CNBD1: variants seen among roughly 807,000 people sequenced by gnomAD.
CNBD1 encodes the protein cyclic nucleotide binding domain containing 1.
CNBD1 carries 71 observed loss-of-function variants against 54.4 expected under a neutral mutation model. The ratio of observed to expected loss-of-function variants is 1.30; its 90% CI spans 1.08 to 1.59. The LOEUF is 1.59. Among genes scored for constraint, CNBD1 ranks in the 40% most tolerant of loss-of-function variants. The pLI is 0.00. For missense variants in CNBD1, 659 were observed against 518.0 expected (o/e 1.27, Z -2.64); for synonymous variants, 182 against 170.7 (o/e 1.07, Z -0.51).
chr8:87,194,791 T>C (rs1813680372), intron 4 of CNBD1, among the ~76,000 whole-genome samples: 1 of 152,156 alleles, frequency 6.6e-6, no homozygotes, highest in Admixed American at 6.5e-5. Context: ...TCAGGTTTTG[T>C]GTATGTGTGT....
chr8:87,269,936 C>A (rs1192616083), intron 6 of CNBD1, among the ~76,000 whole-genome samples: 3 of 151,950 alleles, frequency 2.0e-5, no homozygotes, highest in African/African-American at 7.2e-5. Flanking sequence ...GATGCCAAAT[C>A]CTGGCAGAGC....
At chr8:87,239,537 G>A (rs979141941) in intron 6 of CNBD1, among the ~76,000 whole-genome samples, 2 of 151,920 alleles carry the variant, frequency 1.3e-5, no homozygotes, top group African/African-American at 2.4e-5. Flanking sequence ...TTTTTATTGA[G>A]TTTCAACAGA....
chr8:87,278,298 T>A lies in CNBD1; in HGVS notation c.772-6380T>A, dbSNP rs115520859. On this transcript the variant is annotated intron_variant, in intron 6 of 10. Transcript: ENST00000518476. ...TGCCTGAAGCAGTACTGATTGAAAT[T>A]TTTTTCTGACTGTGGAAAGACATCT... is the stretch of plus-strand genomic sequence containing the variant. Among the ~76,000 whole-genome samples, 1,094 of 151,662 alleles carry A rather than the reference T, an allele frequency of 7.2e-3. 12 individuals are homozygous for A. The highest frequency in any genetic ancestry group is 0.025 in the African/African-American group (1,027 of 41,502).
chr8:87,308,763 T>C (rs896195542), intron 8 of CNBD1, among the ~76,000 whole-genome samples: 1 of 152,072 alleles, frequency 6.6e-6, no homozygotes, highest in African/African-American at 2.4e-5. Flanking sequence ...CTTCCTAGCC[T>C]CTCATATTGA....
chr8:86,978,678 G>C (rs556986404), intron 4 of CNBD1, among the ~76,000 whole-genome samples: 5 of 151,474 alleles, frequency 3.3e-5, no homozygotes, highest in African/African-American at 1.2e-4. Context: ...GAGTAGCTGG[G>C]ATAACAGGCA....
chr8:87,114,710 C>T (rs918417829), intron 4 of CNBD1, among the ~76,000 whole-genome samples: 2 of 152,088 alleles, frequency 1.3e-5, no homozygotes, highest in African/African-American at 4.8e-5. Context: ...GTAGATGAAC[C>T]TTTGCAAGTA....
intron 8 of CNBD1, among the ~76,000 whole-genome samples, chr8:87,322,411 G>T (rs1297231236): frequency 1.7e-5 from 2 of 119,702 alleles, no homozygotes; most frequent in Non-Finnish European, 3.7e-5. Context: ...CTAGTTTACA[G>T]TCCCACCAAC....
At chr8:87,329,059 T>C (rs1809755678) in intron 8 of CNBD1, among the ~76,000 whole-genome samples, 1 of 152,064 alleles carries the variant, frequency 6.6e-6, no homozygotes, top group Non-Finnish European at 1.5e-5. Context: ...TTTTTTTATT[T>C]TAAATTTAGG....
intron 4 of CNBD1, among the ~76,000 whole-genome samples, chr8:86,989,582 C>T (rs1160805118): frequency 1.3e-5 from 2 of 152,140 alleles, no homozygotes; most frequent in African/African-American, 4.8e-5. Context: ...TCCCAAGTAG[C>T]TGGGATTACA....
chr8:86,878,624 G>A (rs560560455), intron 1 of CNBD1, among the ~76,000 whole-genome samples: 13 of 150,804 alleles, frequency 8.6e-5, no homozygotes, highest in East Asian at 2.0e-4. Context: ...GTTTAACCCC[G>A]CCTTTCATGA....
chr8:87,023,203 G>C (rs913603626), intron 4 of CNBD1, among the ~76,000 whole-genome samples: 9 of 152,092 alleles, frequency 5.9e-5, no homozygotes, highest in African/African-American at 1.7e-4. Flanking sequence ...GAGTGATTTT[G>C]CTGAAGGTAA....
At chr8:86,956,525 TCTC>T (rs1365601218) in intron 4 of CNBD1, among the ~76,000 whole-genome samples, 2 of 152,222 alleles carry the variant, frequency 1.3e-5, no homozygotes, top group African/African-American at 4.8e-5. Flanking sequence ...GGTTTGTAGT[TCTC>T]CTTGAAGATG....
chr8:87,172,184 AGAATTCTTCTTGTTATTAACTG>A (rs936552809), intron 4 of CNBD1, among the ~76,000 whole-genome samples: 14 of 152,072 alleles, frequency 9.2e-5, no homozygotes, highest in Admixed American at 9.2e-4. Flanking sequence ...AATAATAATA[AGAATTCTTCTTGTTATTAACTG>A]GCTTTCTTTC....
At chr8:87,110,349 G>A (rs996498102) in intron 4 of CNBD1, among the ~76,000 whole-genome samples, 5 of 152,054 alleles carry the variant, frequency 3.3e-5, no homozygotes, top group Admixed American at 6.6e-5. Flanking sequence ...TAAGCATATT[G>A]GCAGCCTGGG....
chr8:87,427,750 T>G (rs1808074198), intron 2 of CNBD1, among the ~76,000 whole-genome samples: 1 of 152,180 alleles, frequency 6.6e-6, no homozygotes, highest in Non-Finnish European at 1.5e-5. Context: ...TCAGCAAAAA[T>G]TTTGGCTCTT....
At chr8:87,025,322 C>T (rs766967182) in intron 4 of CNBD1, among the ~76,000 whole-genome samples, 4 of 152,160 alleles carry the variant, frequency 2.6e-5, no homozygotes, top group Non-Finnish European at 5.9e-5. Flanking sequence ...CCCTTCCACT[C>T]TGTGGAAGGG....
At chr8:87,407,487 C>A (rs946331367) in intron 2 of CNBD1, among the ~76,000 whole-genome samples, 2 of 151,916 alleles carry the variant, frequency 1.3e-5, no homozygotes, top group African/African-American at 4.8e-5. Flanking sequence ...GCTTTTATTG[C>A]ATATATTTCA....
At chr8:87,235,756 A>G (rs1363229655) in intron 5 of CNBD1, among the ~76,000 whole-genome samples, 2 of 152,178 alleles carry the variant, frequency 1.3e-5, no homozygotes, top group Non-Finnish European at 2.9e-5. Context: ...ATGCTGTTGG[A>G]AAAATGGTGC....
chr8:86,918,262 A>T (rs1809218463), intron 3 of CNBD1, among the ~76,000 whole-genome samples: 1 of 152,178 alleles, frequency 6.6e-6, no homozygotes, highest in Non-Finnish European at 1.5e-5. Context: ...TTTCTTAAAG[A>T]TGCATCATAC....
Sources: allele counts gnomAD v4.1 joint callset (sites outside exome capture counted in the v4.1 genomes callset), GRCh38; gene constraint gnomAD v4.1.1; transcripts MANE v1.5; gene names NCBI Gene and HGNC (gene_info 2026-07-23, HGNC 2026-07-21).